The following NALCN variants were observed in gnomAD, a reference collection of about 807,000 sequenced individuals.
NALCN encodes the protein sodium leak channel, non-selective, also known as sodium leak channel NALCN.
In NALCN, 111 loss-of-function variants were observed where a neutral mutation model predicts 225.3. The observed-to-expected ratio is 0.49, with a 90% CI of 0.42 to 0.58. The LOEUF (loss-of-function observed/expected upper bound fraction) is 0.58, where lower values mean the gene tolerates loss of function less well. Ranked by LOEUF, NALCN falls within the 20% of genes least tolerant of loss-of-function variation. The pLI, the probability that NALCN is intolerant of heterozygous loss-of-function variation, is 0.00. For synonymous variants in NALCN, 764 were observed against 769.0 expected, an observed-to-expected ratio of 0.99 and a Z score of 0.11; for missense variants, 1,378 against 2,202.4, an observed-to-expected ratio of 0.63 and a Z score of 7.49.
chr13:101,070,063 G>GTTTTTT (rs71121162), intron 37 of NALCN, among the ~76,000 whole-genome samples: 18,455 of 96,804 alleles, frequency 0.19, 3,557 homozygotes, highest in East Asian at 0.33. Context: ...AATCATGAAT[G>GTTTTTT]TTTTTTTTTT....
chr13:101,313,155 T>A (rs2044415455), intron 7 of NALCN, among the ~76,000 whole-genome samples: 2 of 152,072 alleles, frequency 1.3e-5, no homozygotes, highest in Admixed American at 6.6e-5. Context: ...CTGGATCCCT[T>A]CCTTACACCT....
chr13:101,204,737 T>C (rs892929870), intron 13 of NALCN, among the ~76,000 whole-genome samples: 1 of 152,110 alleles, frequency 6.6e-6, no homozygotes, highest in Admixed American at 6.6e-5. Flanking sequence ...TGGCTATGCT[T>C]GGGTTAACTT....
intron 11 of NALCN, among the ~76,000 whole-genome samples, chr13:101,250,064 T>C (rs1190209867): frequency 1.6e-4 from 24 of 152,056 alleles, no homozygotes; most frequent in Admixed American, 1.6e-3. Flanking sequence ...TATAAAAAAT[T>C]AATATTATTC....
At chr13:101,056,407 C>A (rs570849054) in intron 43 of NALCN, among the ~76,000 whole-genome samples, 1 of 151,762 alleles carries the variant, frequency 6.6e-6, no homozygotes, top group East Asian at 1.9e-4. Flanking sequence ...ATTACAGGTG[C>A]ACACCACTAC....
chr13:101,141,448 C>T (rs967014637), intron 17 of NALCN, among the ~76,000 whole-genome samples: 1 of 152,082 alleles, frequency 6.6e-6, no homozygotes, highest in Non-Finnish European at 1.5e-5. Flanking sequence ...AGAATAGCAT[C>T]TCTAGATGGC....
At chr13:101,111,605 A>G (rs2035440683) in intron 18 of NALCN, among the ~76,000 whole-genome samples, 1 of 152,054 alleles carries the variant, frequency 6.6e-6, no homozygotes, top group African/African-American at 2.4e-5. Flanking sequence ...TTGAATTCCC[A>G]TGTGTCGTGG....
intron 9 of NALCN, among the ~76,000 whole-genome samples, chr13:101,289,260 C>A (rs1197686954): frequency 6.6e-6 from 1 of 152,122 alleles, no homozygotes; most frequent in African/African-American, 2.4e-5. Context: ...TTTTCTACAT[C>A]ATTTTCCTTC....
chr13:101,064,408 A>C, intron 40 of NALCN, among the ~76,000 whole-genome samples: 1 of 152,170 alleles, frequency 6.6e-6, no homozygotes, highest in East Asian at 1.9e-4. Flanking sequence ...TGGAGTCCTA[A>C]CCTCTAGTAC....
chr13:101,257,070 T>A (rs922242621), intron 11 of NALCN, among the ~76,000 whole-genome samples: 2 of 152,198 alleles, frequency 1.3e-5, no homozygotes, highest in Non-Finnish European at 2.9e-5. Context: ...ACCTTCTCTC[T>A]GCTTTTATTG....
At chr13:101,401,622 A>G (rs73566010) in intron 1 of NALCN, among the ~76,000 whole-genome samples, 8,471 of 152,262 alleles carry the variant, frequency 0.056, 470 homozygotes, top group African/African-American at 0.13. Context: ...AGAAAAATAC[A>G]TGTCCAGAAT....
intron 18 of NALCN, among the ~76,000 whole-genome samples, chr13:101,115,826 C>T (rs2139666124): frequency 6.6e-6 from 1 of 152,240 alleles, no homozygotes; most frequent in Non-Finnish European, 1.5e-5. Context: ...TAACATCTTC[C>T]CTAGATCTTT....
chr13:101,312,135 A>G (rs944870258), intron 7 of NALCN, among the ~76,000 whole-genome samples: 48 of 152,226 alleles, frequency 3.2e-4, no homozygotes, highest in Non-Finnish European at 5.9e-4. Flanking sequence ...TAGATTTTCT[A>G]GTTTATTTGC....
At chr13:101,314,852 A>G (rs560863) in intron 7 of NALCN, among the ~76,000 whole-genome samples, 150,751 of 152,238 alleles carry the variant, frequency 0.99, 74,655 homozygotes, top group East Asian at 1. Context: ...ATTTGGATGC[A>G]TATGAAATCT....
At chr13:101,136,493 C>A (rs2036802706) in intron 17 of NALCN, among the ~76,000 whole-genome samples, 1 of 149,210 alleles carries the variant, frequency 6.7e-6, no homozygotes, top group African/African-American at 2.5e-5. Flanking sequence ...TGTGATGTTC[C>A]CCTTCCTGTG....
rs986653411 is a variant in NALCN at position 101,116,023 on chromosome 13, T to A, written c.2193-4797A>T. Among the ~76,000 whole-genome samples the A allele has an allele frequency of 6.6e-5, 10 of 152,174 alleles. No homozygotes were observed. In the East Asian group the frequency reaches 1.9e-3, roughly 29 times the overall value. On this transcript the variant is annotated intron_variant, in intron 18 of 43. Coordinates refer to ENST00000251127, the MANE Select transcript of NALCN (RefSeq NM_052867.4). ...TTCTTCATTATGCAGGCATATGTAA[T>A]CCCTTTATTCCTGTTCCCTGGAGGA...
chr13:101,056,602 T>A (rs1253664881), intron 43 of NALCN, among the ~76,000 whole-genome samples: 1 of 151,634 alleles, frequency 6.6e-6, no homozygotes, highest in African/African-American at 2.4e-5. Context: ...TTTTGTCCAT[T>A]TAAATGAATA....
chr13:101,277,873 CCT>C (rs1250393584), intron 10 of NALCN, among the ~76,000 whole-genome samples: 1 of 152,160 alleles, frequency 6.6e-6, no homozygotes, highest in East Asian at 1.9e-4. Context: ...CACAATAAAG[CCT>C]CTCTGCCTCT....
chr13:101,232,523 G>A (rs2041389283), intron 12 of NALCN, among the ~76,000 whole-genome samples: 1 of 149,778 alleles, frequency 6.7e-6, no homozygotes, highest in Non-Finnish European at 1.5e-5. Flanking sequence ...TCGGCTCACT[G>A]CAAGCTCCAC....
chr13:101,268,206 G>A (rs1168489514), intron 10 of NALCN, among the ~76,000 whole-genome samples: 4 of 152,168 alleles, frequency 2.6e-5, no homozygotes, highest in African/African-American at 9.7e-5. Context: ...TGACTGCAGT[G>A]GGAGTGCAGC....
Sources: allele counts gnomAD v4.1 joint callset (sites outside exome capture counted in the v4.1 genomes callset), GRCh38; gene constraint gnomAD v4.1.1; transcripts MANE v1.5; gene names NCBI Gene and HGNC (gene_info 2026-07-23, HGNC 2026-07-21).